Variants in AKAP19 observed in about 807,000 individuals in gnomAD.
AKAP19 encodes small A-kinase anchoring protein.
At chr2:190,171,656 G>GA in the AKAP19 span, among the ~76,000 whole-genome samples, 3 of 151,804 alleles carry the variant, frequency 2.0e-5, no homozygotes, top group Non-Finnish European at 4.4e-5. Flanking sequence ...TTTTTGGCCA[G>GA]AAAAAATTTC....
the AKAP19 span, among the ~76,000 whole-genome samples, chr2:190,188,903 T>G: frequency 6.6e-6 from 1 of 152,212 alleles, no homozygotes; most frequent in Admixed American, 6.5e-5. Context: ...GGGGGCAGTT[T>G]ACTAATCCAT....
the AKAP19 span, among the ~76,000 whole-genome samples, chr2:189,927,374 A>C: frequency 3.3e-5 from 5 of 152,222 alleles, no homozygotes; most frequent in African/African-American, 1.2e-4. Flanking sequence ...TAAAAATGAA[A>C]TCGAATTAAC....
At chr2:190,118,591 A>G in the AKAP19 span, among the ~76,000 whole-genome samples, 3 of 152,248 alleles carry the variant, frequency 2.0e-5, no homozygotes, top group African/African-American at 7.2e-5. Context: ...GTAATCCAGC[A>G]TATAAACAGA....
At chr2:190,157,332 C>T in the AKAP19 span, among the ~76,000 whole-genome samples, 1 of 145,976 alleles carries the variant, frequency 6.9e-6, no homozygotes, top group African/African-American at 2.6e-5. Flanking sequence ...AATAAGATCA[C>T]AGTATTATAA....
At chr2:190,059,744 AATAC>A in the AKAP19 span, among the ~76,000 whole-genome samples, 1 of 151,986 alleles carries the variant, frequency 6.6e-6, no homozygotes, top group African/African-American at 2.4e-5. Flanking sequence ...TTAATATTTT[AATAC>A]ATACAGTCAT....
the AKAP19 span, among the ~76,000 whole-genome samples, chr2:190,016,415 A>G: frequency 6.6e-6 from 1 of 152,198 alleles, no homozygotes; most frequent in Non-Finnish European, 1.5e-5. Flanking sequence ...AGAACTCACT[A>G]TCAAAAGAAC....
At chr2:189,927,023 A>G in the AKAP19 span, among the ~76,000 whole-genome samples, 1 of 152,232 alleles carries the variant, frequency 6.6e-6, no homozygotes, top group African/African-American at 2.4e-5. Context: ...AGCTAGGGCT[A>G]TAGATGCACA....
chr2:190,030,539 AG>A, the AKAP19 span, among the ~76,000 whole-genome samples: 2 of 152,190 alleles, frequency 1.3e-5, no homozygotes, highest in Non-Finnish European at 2.9e-5. Flanking sequence ...AATTCATGGA[AG>A]TAGGTGATAG....
the AKAP19 span, among the ~76,000 whole-genome samples, chr2:189,962,262 G>GCT: frequency 1.3e-5 from 2 of 152,058 alleles, no homozygotes; most frequent in Non-Finnish European, 2.9e-5. Flanking sequence ...GGAGGAATAG[G>GCT]CTCTCTCATA....
At chr2:190,152,020 A>C in the AKAP19 span, among the ~76,000 whole-genome samples, 22 of 147,596 alleles carry the variant, frequency 1.5e-4, no homozygotes, top group South Asian at 4.1e-3. Flanking sequence ...AACAACAAAA[A>C]AAAAAAACAA....
At chr2:190,062,897 T>C in the AKAP19 span, among the ~76,000 whole-genome samples, 2 of 152,110 alleles carry the variant, frequency 1.3e-5, no homozygotes, top group Non-Finnish European at 2.9e-5. Flanking sequence ...GGTGAGCTGA[T>C]TCATTTGACT....
At chr2:190,038,916 C>CG in the AKAP19 span, among the ~76,000 whole-genome samples, 1 of 133,808 alleles carries the variant, frequency 7.5e-6, no homozygotes, top group African/African-American at 3.1e-5. Context: ...TCTTCTTCTT[C>CG]TTCTTCTTCT....
the AKAP19 span, among the ~76,000 whole-genome samples, chr2:189,956,251 GCTCCGCCTC>G: frequency 7.5e-6 from 1 of 133,306 alleles, no homozygotes; most frequent in Non-Finnish European, 1.6e-5. Flanking sequence ...CTCACTGCAA[GCTCCGCCTC>G]CCGGGTTCAC....
chr2:190,052,676 G>T, the AKAP19 span, among the ~76,000 whole-genome samples: 10,379 of 152,100 alleles, frequency 0.068, 853 homozygotes, highest in African/African-American at 0.2. Flanking sequence ...ACGTTAAAGA[G>T]AAAAAACCCT....
At chr2:190,000,952 A>T in the AKAP19 span, among the ~76,000 whole-genome samples, 12,791 of 152,044 alleles carry the variant, frequency 0.084, 1,502 homozygotes, top group African/African-American at 0.26. Flanking sequence ...CATTACATGT[A>T]TATTAGTATA....
chr2:189,902,571 T>C, the AKAP19 span, among the ~76,000 whole-genome samples: 109 of 152,026 alleles, frequency 7.2e-4, 3 homozygotes, highest in Non-Finnish European at 4.3e-4. Context: ...CTTAAAGCTT[T>C]GGATTCAGTA....
chr2:190,194,196 C>T, the AKAP19 span, among the ~76,000 whole-genome samples: 1 of 152,060 alleles, frequency 6.6e-6, no homozygotes, highest in African/African-American at 2.4e-5. Flanking sequence ...TCCATATGCA[C>T]TTGATAAGAA....
At chr2:190,125,354 A>C in the AKAP19 span, among the ~76,000 whole-genome samples, 1 of 152,160 alleles carries the variant, frequency 6.6e-6, no homozygotes, top group Non-Finnish European at 1.5e-5. Context: ...GTCTATGTCC[A>C]ATTGGTTCTG....
the AKAP19 span, among the ~76,000 whole-genome samples, chr2:190,198,840 T>C: frequency 6.6e-6 from 1 of 152,134 alleles, no homozygotes; most frequent in African/African-American, 2.4e-5. Context: ...GAGGAGTTCA[T>C]TCTGTGATAA....
Sources: gnomAD v4.1 joint callset for allele counts (sites outside exome capture counted in the v4.1 genomes callset) on GRCh38, gnomAD v4.1.1 for gene constraint, MANE v1.5 for transcripts, NCBI Gene and HGNC (gene_info 2026-07-23, HGNC 2026-07-21) for gene names.